The following GKAP1 variants were observed in gnomAD, a reference collection of about 807,000 sequenced individuals.
GKAP1 encodes the protein G kinase-anchoring protein 1.
Under a neutral mutation model 56.7 loss-of-function variants are expected in GKAP1, and 31 were observed. The observed-to-expected ratio is 0.55, with a 90% CI of 0.41 to 0.74. GKAP1 has a LOEUF of 0.74. GKAP1 is among the 30% of genes least tolerant of loss of function. The probability of loss-of-function intolerance (pLI) is 0.00; values close to 1 mark genes in which losing one functional copy is unlikely to be tolerated. For synonymous variants in GKAP1, 151 were observed against 138.6 expected (o/e 1.09, Z -0.63); for missense variants, 364 against 402.3 (o/e 0.90, Z 0.82).
intron 3 of GKAP1, among the ~76,000 whole-genome samples, chr9:83,804,798 A>G (rs1944408774): frequency 7.4e-6 from 1 of 134,560 alleles, no homozygotes; most frequent in Non-Finnish European, 1.6e-5. Flanking sequence ...CCTACTGGGA[A>G]GTGAGGAGCC....
rs536451071 is a variant in GKAP1 at position 83,760,059 on chromosome 9, T to C, written c.739-6700A>G. Among the ~76,000 whole-genome samples, 15 of 152,286 alleles carry C rather than the reference T, an allele frequency of 9.8e-5. No individual in the cohort carries two copies. The South Asian group carries it at 3.1e-3, about 32-fold the overall frequency. On this transcript the variant is annotated intron_variant, in intron 8 of 12. Transcript: ENST00000376371. ...TCAAGGCATCCCAGTTTCTTCTTCT[T>C]CATCTCTGCATGTTCAAATTCTATT...
At chr9:83,806,832 A>G (rs295280) in intron 2 of GKAP1, among the ~76,000 whole-genome samples, 66,311 of 151,966 alleles carry the variant, frequency 0.44, 15,071 homozygotes, top group African/African-American at 0.55. Flanking sequence ...TCCTCTCTCA[A>G]TCATTCTGAA....
In GKAP1 at chr9:83,786,995, G is replaced by A. The variant is rs1488396609; in HGVS notation, c.438+1606C>T. 2.0e-5 allele frequency among the ~76,000 whole-genome samples: 3 copies of A among 152,098 alleles called. No homozygotes were observed. In the East Asian group the frequency reaches 5.8e-4, roughly 29 times the overall value. ...TGAGCAAGACAGGATTACTTTTCCGGTGTAACCTGACAGTCCATTTAAATG... is the reference window on the plus strand; with the variant it reads ...TGAGCAAGACAGGATTACTTTTCCGATGTAACCTGACAGTCCATTTAAATG... On this transcript the variant is annotated intron_variant, in intron 5 of 12. Coordinates refer to ENST00000376371, the MANE Select transcript of GKAP1 (RefSeq NM_025211.4).
At chr9:83,795,724 C>T (rs1448485782) in intron 4 of GKAP1, among the ~76,000 whole-genome samples, 1 of 150,128 alleles carries the variant, frequency 6.7e-6, no homozygotes, top group Non-Finnish European at 1.5e-5. Context: ...TGAATTTTTG[C>T]ATTTTTTTGT....
chr9:83,742,431 C>T (rs1943223395), intron 11 of GKAP1, 99 bp downstream of exon 11: 2 of 729,984 alleles, frequency 2.7e-6, no homozygotes, highest in Non-Finnish European at 4.6e-6. Flanking sequence ...ATTTATACTA[C>T]ATCCTTACAG....
rs1343445030 is a variant in GKAP1, at chr9:83,803,910, G to A, written c.216+2392C>T. Among the ~76,000 whole-genome samples the A allele has an allele frequency of 1.5e-3, 207 of 141,528 alleles. 1 individual carries two copies. Among genetic ancestry groups the A allele is most frequent in the African/African-American group, 5.1e-3 (191 of 37,812 alleles). The allele number at this position is 141,528 out of a possible 152,430, so 92.8% of individuals were successfully genotyped here. ...GGGAGCGCCTCTGCCCCGCCGCCCC[G>A]TCTGGGATGTGAGGAGCGCCTCTGC... On this transcript the variant is annotated intron_variant, in intron 3 of 12. Transcript: ENST00000376371.
In GKAP1 at chr9:83,788,698, C is replaced by A. The variant is rs1358758336; in HGVS notation, c.361-20G>T. ...TGTCAGCTACAAAAAAAAAGTTTCA[C>A]AATAAACAGACAGTATCATTACATC... On this transcript the variant is annotated intron_variant, in intron 4 of 12. Coordinates refer to ENST00000376371, the MANE Select transcript of GKAP1 (RefSeq NM_025211.4). The A allele has an allele frequency of 5.2e-6, 8 of 1,530,436 alleles. No homozygotes were observed. Among genetic ancestry groups the A allele is most frequent in the African/African-American group, 2.7e-5 (2 of 73,300 alleles). The allele number at this position is 1,530,436 out of a possible 1,614,324, so 94.8% of individuals were successfully genotyped here.
At chr9:83,740,034 A>G (rs1171748642) in intron 12 of GKAP1, among the ~76,000 whole-genome samples, 1 of 152,200 alleles carries the variant, frequency 6.6e-6, no homozygotes, top group African/African-American at 2.4e-5. Flanking sequence ...CTGTTCTAGA[A>G]TTAAAAATAA....
At chr9:83,797,757 G>A (rs573647139) in intron 4 of GKAP1, among the ~76,000 whole-genome samples, 2 of 152,316 alleles carry the variant, frequency 1.3e-5, no homozygotes, top group Admixed American at 6.5e-5. Context: ...CTGTGATCAA[G>A]TTCCCATGTT....
intron 3 of GKAP1, among the ~76,000 whole-genome samples, chr9:83,804,498 C>T (rs1282373628): frequency 5.2e-5 from 6 of 114,812 alleles, no homozygotes; most frequent in South Asian, 3.2e-4. Context: ...CTCTGCTCGG[C>T]CAGCCGCCCC....
chr9:83,811,439 A>G (rs2131329091), intron 2 of GKAP1, among the ~76,000 whole-genome samples: 1 of 152,372 alleles, frequency 6.6e-6, no homozygotes, highest in South Asian at 2.1e-4. Flanking sequence ...GTGGGCATAC[A>G]ATAGATATTA....
intron 7 of GKAP1, among the ~76,000 whole-genome samples, chr9:83,774,173 T>C (rs576966942): frequency 6.6e-6 from 1 of 152,052 alleles, no homozygotes; most frequent in East Asian, 2.0e-4. Flanking sequence ...GCCTGGTCTA[T>C]ACCTACTTTA....
chr9:83,739,821 C>T (rs1943177155), intron 12 of GKAP1, 77 bp from the exon 13 acceptor site: 1 of 1,164,512 alleles, frequency 8.6e-7, no homozygotes, highest in Non-Finnish European at 1.2e-6. Flanking sequence ...AAAATATAGA[C>T]CAAAGGCATC....
At chr9:83,810,131 C>T (rs1458679251) in intron 2 of GKAP1, among the ~76,000 whole-genome samples, 1 of 152,056 alleles carries the variant, frequency 6.6e-6, no homozygotes, top group Non-Finnish European at 1.5e-5. Flanking sequence ...TCATTTTTAT[C>T]GCAAGAAATT....
intron 10 of GKAP1, among the ~76,000 whole-genome samples, chr9:83,745,517 T>C (rs1321827559): frequency 6.6e-6 from 1 of 152,232 alleles, no homozygotes; most frequent in Non-Finnish European, 1.5e-5. Flanking sequence ...TTTTAATCTA[T>C]TTTTGAGAGC....
At chr9:83,762,497 A>T (rs772808450) in intron 8 of GKAP1, among the ~76,000 whole-genome samples, 1 of 152,228 alleles carries the variant, frequency 6.6e-6, no homozygotes, top group Non-Finnish European at 1.5e-5. Flanking sequence ...CTACAGATTC[A>T]ATGCAATCCC....
chr9:83,812,303 G>A lies in GKAP1; in HGVS notation c.-44+4693C>T, dbSNP rs553236526. ...TACACATATATACGTATATATATAC[G>A]TATACATATATATGTATATATACAC... is the stretch of plus-strand genomic sequence containing the variant. On this transcript the variant is annotated intron_variant, in intron 2 of 12. Coordinates refer to ENST00000376371, the MANE Select transcript of GKAP1 (RefSeq NM_025211.4). Among the ~76,000 whole-genome samples the A allele has an allele frequency of 1.5e-4, 21 of 143,666 alleles. No individual in the cohort carries two copies. In the South Asian group the frequency reaches 3.0e-3, roughly 21 times the overall value. The allele number at this position is 143,666 out of a possible 152,430, so 94.3% of individuals were successfully genotyped here. A position where few individuals can be genotyped will look rare whatever the true frequency, so the allele number is the denominator to read the frequency against.
chr9:83,779,025 TCAAA>T (rs980855044), intron 7 of GKAP1, among the ~76,000 whole-genome samples: 7 of 152,138 alleles, frequency 4.6e-5, no homozygotes, highest in South Asian at 2.1e-4. Flanking sequence ...AACGCAAGCA[TCAAA>T]CAGTTTATAG....
chr9:83,805,743 G>T (rs748648035), intron 3 of GKAP1, among the ~76,000 whole-genome samples: 3 of 152,098 alleles, frequency 2.0e-5, no homozygotes, highest in African/African-American at 7.2e-5. Flanking sequence ...ATCTATAAAT[G>T]ACCTGTTTCC....
Sources: gnomAD v4.1 joint callset for allele counts (sites outside exome capture counted in the v4.1 genomes callset) on GRCh38, gnomAD v4.1.1 for gene constraint, MANE v1.5 for transcripts, NCBI Gene and HGNC (gene_info 2026-07-23, HGNC 2026-07-21) for gene names.